The following CELF2 variants were observed in gnomAD, a reference collection of about 807,000 sequenced individuals.
CELF2 encodes CUG triplet repeat RNA-binding protein 2.
A neutral mutation model predicts 62.6 loss-of-function variants in CELF2; 8 were observed. The observed-to-expected ratio is 0.13, with a 90% CI of 0.07 to 0.23. CELF2 has a LOEUF of 0.23. CELF2 is among the 10% of genes least tolerant of loss of function. The probability of loss-of-function intolerance (pLI) is 1.00; values close to 1 mark genes in which losing one functional copy is unlikely to be tolerated. For missense variants in CELF2, 333 were observed against 671.0 expected (o/e 0.50, Z 5.56); for synonymous variants, 258 against 250.0 (o/e 1.03, Z -0.30).
At chr10:10,974,780 A>C (rs757306787) in intron 2 of CELF2, among the ~76,000 whole-genome samples, 7 of 152,326 alleles carry the variant, frequency 4.6e-5, no homozygotes, top group Non-Finnish European at 7.3e-5. Flanking sequence ...AGACACATTG[A>C]GCCCTGCCTG....
intron 8 of CELF2, among the ~76,000 whole-genome samples, chr10:11,281,534 C>T (rs1488299359): frequency 6.6e-6 from 1 of 152,076 alleles, no homozygotes; most frequent in African/African-American, 2.4e-5. Context: ...CAGAAGCAGG[C>T]AAGGATCACT....
chr10:10,487,183 C>T, the CELF2 span, among the ~76,000 whole-genome samples: 1 of 152,196 alleles, frequency 6.6e-6, no homozygotes, highest in Non-Finnish European at 1.5e-5. Context: ...TTCAAGACAG[C>T]TCTTCTTGGA....
intron 1 of CELF2, among the ~76,000 whole-genome samples, chr10:11,106,214 T>TATTC (rs1221517387): frequency 3.0e-5 from 3 of 98,666 alleles, no homozygotes; most frequent in Non-Finnish European, 7.5e-5. Context: ...TTATTTTATT[T>TATTC]ATTTATTTAT....
At chr10:11,257,415 C>T (rs1043811173) in intron 4 of CELF2, among the ~76,000 whole-genome samples, 1 of 150,124 alleles carries the variant, frequency 6.7e-6, no homozygotes, top group African/African-American at 2.4e-5. Flanking sequence ...AACAGTTATA[C>T]AAGTACTTTG....
intron 1 of CELF2, among the ~76,000 whole-genome samples, chr10:11,093,704 C>G (rs2048973348): frequency 6.6e-6 from 1 of 152,016 alleles, no homozygotes; most frequent in Admixed American, 6.6e-5. Context: ...CATGCCTTGT[C>G]CAGGCCCTTT....
intron 1 of CELF2, among the ~76,000 whole-genome samples, chr10:11,066,858 C>A (rs960187258): frequency 3.9e-5 from 6 of 152,104 alleles, no homozygotes; most frequent in African/African-American, 7.2e-5. Flanking sequence ...GAAGCAAGAA[C>A]CCCAGCTCCT....
intron 1 of CELF2, among the ~76,000 whole-genome samples, chr10:11,058,392 G>A (rs548069489): frequency 2.0e-5 from 3 of 149,192 alleles, no homozygotes; most frequent in African/African-American, 4.9e-5. Context: ...CTGTGTTAAA[G>A]TATAAAGTAT....
rs979528454 is a variant in CELF2, at chr10:10,947,739, G to A, written c.89+27740G>A. Among the ~76,000 whole-genome samples, 3 of 152,142 alleles carry A rather than the reference G, an allele frequency of 2.0e-5. No individual in the cohort carries two copies. Among genetic ancestry groups the A allele is most frequent in the Non-Finnish European group, 2.9e-5 (2 of 68,012 alleles). On this transcript the variant is annotated intron_variant, in intron 2 of 13. Coordinates refer to the CELF2 transcript ENST00000636488. The surrounding 1 kb of genome is among the most constrained non-coding windows in gnomAD (Gnocchi z 4.1). Reference sequence around the variant, plus strand: ...TTCTGCTTTCAAGGTCATGAGTAGCGTAAGAAGACACATACACACATCTTC... The same window carrying A: ...TTCTGCTTTCAAGGTCATGAGTAGCATAAGAAGACACATACACACATCTTC...
rs1596224502 is a variant in CELF2 at position 11,150,847 on chromosome 10, A to G, written c.75-14639A>G. Among the ~76,000 whole-genome samples, 5 of 152,380 alleles carry G rather than the reference A, an allele frequency of 3.3e-5. No homozygotes were observed. The South Asian group carries it at 1.0e-3, about 32-fold the overall frequency. Reference sequence around the variant, plus strand: ...ATGATTAATTTTGGAGCCCCAGTCTAGACCTGTCATTTTAACACTGAAGAA... The same window carrying G: ...ATGATTAATTTTGGAGCCCCAGTCTGGACCTGTCATTTTAACACTGAAGAA... On this transcript the variant is annotated intron_variant, in intron 1 of 12. Transcript: ENST00000633077.
the CELF2 span, among the ~76,000 whole-genome samples, chr10:10,581,200 A>T: frequency 3.9e-5 from 6 of 152,214 alleles, no homozygotes; most frequent in African/African-American, 1.4e-4. Context: ...TGAACAAAAG[A>T]TGTGGTCCTA....
At chr10:11,256,321 A>G (rs1003072278) in intron 4 of CELF2, among the ~76,000 whole-genome samples, 62 of 152,326 alleles carry the variant, frequency 4.1e-4, no homozygotes, top group African/African-American at 1.4e-3. Flanking sequence ...GCCCCTTCTC[A>G]GCACAGAGGT....
At chr10:10,687,502 T>C in the CELF2 span, among the ~76,000 whole-genome samples, 1 of 152,214 alleles carries the variant, frequency 6.6e-6, no homozygotes, top group Non-Finnish European at 1.5e-5. Context: ...GTAGGTATTG[T>C]TCTTATGTAA....
the CELF2 span, among the ~76,000 whole-genome samples, chr10:10,479,783 G>A: frequency 2.0e-5 from 3 of 152,236 alleles, no homozygotes; most frequent in Non-Finnish European, 4.4e-5. Flanking sequence ...TCAAACATTC[G>A]TTATGTGGAA....
At chr10:11,132,814 C>T (rs10905902) in intron 1 of CELF2, among the ~76,000 whole-genome samples, 16,882 of 152,244 alleles carry the variant, frequency 0.11, 1,000 homozygotes, top group Middle Eastern at 0.2. Context: ...TAGGCCTTTG[C>T]TCATGATGCA....
chr10:10,890,299 T>C (rs985338610), intron 1 of CELF2, among the ~76,000 whole-genome samples: 2 of 152,154 alleles, frequency 1.3e-5, no homozygotes, highest in African/African-American at 4.8e-5. Flanking sequence ...ATTGTCTACA[T>C]CATGGACAGT....
intron 1 of CELF2, among the ~76,000 whole-genome samples, chr10:11,058,911 G>T (rs1401749385): frequency 6.6e-6 from 1 of 152,146 alleles, no homozygotes; most frequent in Non-Finnish European, 1.5e-5. Flanking sequence ...CTCCTGAGTA[G>T]ATGGGATAAC....
chr10:11,283,326 C>T (rs1028741888), intron 8 of CELF2, among the ~76,000 whole-genome samples: 10 of 152,232 alleles, frequency 6.6e-5, no homozygotes, highest in African/African-American at 7.2e-5. Context: ...CTGACATCTC[C>T]CTGCTCTGAT....
the CELF2 span, among the ~76,000 whole-genome samples, chr10:10,594,351 A>T: frequency 6.6e-6 from 1 of 151,890 alleles, no homozygotes; most frequent in East Asian, 1.9e-4. Context: ...TGAGATGCCT[A>T]TAGGAATACA....
chr10:10,810,946 A>G (rs2055812406), intron 1 of CELF2, among the ~76,000 whole-genome samples: 1 of 152,168 alleles, frequency 6.6e-6, no homozygotes, highest in African/African-American at 2.4e-5. Context: ...CCAGGAAGAA[A>G]CACTTGCAAC....
Sources: gnomAD v4.1 joint callset for allele counts (sites outside exome capture counted in the v4.1 genomes callset) on GRCh38, gnomAD v4.1.1 for gene constraint, Gnocchi (gnomAD v3.1) non-coding constraint, MANE v1.5 for transcripts, NCBI Gene and HGNC (gene_info 2026-07-23, HGNC 2026-07-21) for gene names.